PRPH2: variants seen among roughly 807,000 people sequenced by gnomAD.
The protein encoded by PRPH2 is peripherin-2.
In PRPH2, 17 loss-of-function variants were observed where a neutral mutation model predicts 31.3. The ratio of observed to expected loss-of-function variants is 0.54; its 90% CI spans 0.37 to 0.81. PRPH2 has a LOEUF of 0.81. Ranked by LOEUF, PRPH2 falls within the 40% of genes least tolerant of loss-of-function variation. The pLI is 0.00. For missense variants in PRPH2, 430 were observed against 439.7 expected, an observed-to-expected ratio of 0.98 and a Z score of 0.20; for synonymous variants, 165 against 184.4, an observed-to-expected ratio of 0.89 and a Z score of 0.85.
intron 2 of PRPH2, among the ~76,000 whole-genome samples, chr6:42,699,047 CTT>C (rs759173553): frequency 1.3e-4 from 5 of 38,528 alleles, no homozygotes; most frequent in African/African-American, 3.2e-4. Flanking sequence ...TGTGGTACTT[CTT>C]TTTTTTTTTT....
intron 1 of PRPH2, among the ~76,000 whole-genome samples, chr6:42,708,503 C>T (rs543549612): frequency 7.9e-4 from 120 of 152,350 alleles, no homozygotes; most frequent in African/African-American, 2.7e-3. Context: ...CCGCTCCCCT[C>T]TACTGGCCCT....
chr6:42,722,260 C>G lies in PRPH2; in HGVS notation c.75G>C (p.Trp25Cys), dbSNP rs146686238. The change falls in exon 1 of 3, where the codon TGG (tryptophan) becomes TGC (cysteine). Residue 25 changes from tryptophan (W) to cysteine (C), a missense_variant. Coordinates refer to ENST00000230381, the MANE Select transcript of PRPH2 (RefSeq NM_000322.5). This position sits in a 1 kb window ranked among gnomAD's most constrained non-coding sequence, Gnocchi z 4.4. ...KLAQGLWLMN[W>C]FSVLAGIIIF... ...TGATGATGCCAGCCAACACGGAGAA[C>G]CAGTTCATGAGCCAGAGCCCTTGGG... The G allele has an allele frequency of 3.9e-5, 63 of 1,614,158 alleles. No individual in the cohort carries two copies. The African/African-American group carries it at 7.6e-4, about 19-fold the overall frequency.
At chr6:42,704,247 A>T in intron 2 of PRPH2, 118 bp downstream of exon 2, 1 of 1,376,068 alleles carries the variant, frequency 7.3e-7, no homozygotes, top group Non-Finnish European at 1.0e-6. Flanking sequence ...CCACAGCTCC[A>T]CTGAAGGCTG....
intron 1 of PRPH2, among the ~76,000 whole-genome samples, chr6:42,706,569 A>G (rs1418427898): frequency 1.0e-4 from 15 of 149,470 alleles, no homozygotes; most frequent in Non-Finnish European, 3.0e-5. Context: ...CACGCCAGTG[A>G]GACTCTGTCT....
intron 2 of PRPH2, 21 bp downstream of exon 2, chr6:42,704,344 C>A (rs759771485): frequency 1.2e-6 from 2 of 1,603,084 alleles, no homozygotes; most frequent in South Asian, 2.2e-5. Flanking sequence ...ACCCTCTACC[C>A]CCAGCTGGCC....
chr6:42,698,432 C>T lies in PRPH2; in HGVS notation c.904G>A (p.Glu302Lys), dbSNP rs61748430. Reference sequence around the variant, plus strand: ...CTCTCCAGCAGCCAGCCCTGGCTCTCGCTCTCAGATTCCTCGGGGTTGGAC... The same window carrying T: ...CTCTCCAGCAGCCAGCCCTGGCTCTTGCTCTCAGATTCCTCGGGGTTGGAC... ...GVSNPEESES[E>K]SQGWLLERSV... Residue 302 changes from glutamate (E) to lysine (K), a missense_variant, in exon 3 of 3, where the codon GAG (glutamate) becomes AAG (lysine). By Grantham distance (56) the Glu-to-Lys change is moderately conservative. Coordinates refer to ENST00000230381, the MANE Select transcript of PRPH2 (RefSeq NM_000322.5). The T allele has an allele frequency of 6.2e-7, 1 of 1,614,050 alleles. No homozygotes were observed. Among genetic ancestry groups the T allele is most frequent in the Non-Finnish European group, 8.5e-7 (1 of 1,180,030 alleles).
intron 2 of PRPH2, among the ~76,000 whole-genome samples, chr6:42,700,554 A>G (rs1290389955): frequency 6.6e-6 from 1 of 152,176 alleles, no homozygotes; most frequent in African/African-American, 2.4e-5. Context: ...TTTTAGATTT[A>G]TGTTACTGCT....
Position 42,722,376 on chromosome 6 carries a change from C to T in PRPH2, c.-42G>A, listed in dbSNP as rs377728309. The T allele has an allele frequency of 3.1e-6, 5 of 1,609,818 alleles. No homozygotes were observed. The South Asian group carries it at 4.4e-5, about 14-fold the overall frequency. ...CCGGGTTGCTTCCCACAGCACAGCT[C>T]CCACCCCAAACCTTAACGAGCCCAG... On this transcript the variant is annotated 5_prime_UTR_variant, in exon 1 of 3. Transcript: ENST00000230381. This position sits in a 1 kb window ranked among gnomAD's most constrained non-coding sequence, Gnocchi z 4.4.
At chr6:42,716,515 C>T (rs1761783716) in intron 1 of PRPH2, among the ~76,000 whole-genome samples, 1 of 151,378 alleles carries the variant, frequency 6.6e-6, no homozygotes, top group Non-Finnish European at 1.5e-5. Flanking sequence ...CTCCCAGGCT[C>T]AACGGATTCT....
chr6:42,712,289 T>G (rs939382163), intron 1 of PRPH2, among the ~76,000 whole-genome samples: 30 of 152,308 alleles, frequency 2.0e-4, no homozygotes, highest in Admixed American at 1.1e-3. Context: ...GATCCTGAAT[T>G]GACCAACTGT....
chr6:42,701,161 G>A (rs183285293), intron 2 of PRPH2, among the ~76,000 whole-genome samples: 26 of 151,866 alleles, frequency 1.7e-4, no homozygotes, highest in Admixed American at 9.8e-4. Context: ...TTTTGTTTTT[G>A]TTGCTCAAGC....
intron 1 of PRPH2, among the ~76,000 whole-genome samples, chr6:42,709,118 C>T (rs1582769309): frequency 6.6e-6 from 1 of 152,000 alleles, no homozygotes; most frequent in Non-Finnish European, 1.5e-5. Flanking sequence ...ATCATGAGGT[C>T]AGGAGTTCGA....
At position 42,704,519 on chromosome 6, in the gene PRPH2, T is replaced by C. The variant is rs1201312863; in HGVS notation, c.674A>G (p.Tyr225Cys). The change falls in exon 2 of 3, where the codon TAT (tyrosine) becomes TGT (cysteine). Residue 225 changes from tyrosine (Y) to cysteine (C), a missense_variant. Coordinates refer to ENST00000230381, the MANE Select transcript of PRPH2 (RefSeq NM_000322.5). Reference sequence around the variant, plus strand: ...GTGTGCTGAGTTGTTGGTGATCTGATACTGGATGCAGGGCCGTGGCGAGCT... The same window carrying C: ...GTGTGCTGAGTTGTTGGTGATCTGACACTGGATGCAGGGCCGTGGCGAGCT... ...NPSSPRPCIQ[Y>C]QITNNSAHYS... The C allele has an allele frequency of 2.5e-6, 4 of 1,614,146 alleles. No homozygotes were observed. The South Asian group carries it at 4.4e-5, about 18-fold the overall frequency.
chr6:42,711,668 C>G, intron 1 of PRPH2: 1 of 805,732 alleles, frequency 1.2e-6, no homozygotes, highest in Middle Eastern at 6.3e-4. Flanking sequence ...TCAAAGAGTT[C>G]CCGTCTGAGA....
rs1800113960 is a variant in PRPH2 at position 42,704,516 on chromosome 6, T to C, written c.677A>G (p.Gln226Arg). 6.2e-7 allele frequency: 1 copy of C among 1,614,060 alleles called. No individual in the cohort carries two copies. Among genetic ancestry groups the C allele is most frequent in the African/African-American group, 1.3e-5 (1 of 74,916 alleles). The change falls in exon 2 of 3, where the codon CAG becomes CGG. Residue 226 changes from glutamine (Q) to arginine (R), a missense_variant. By Grantham distance (43) the Gln-to-Arg change is conservative (BLOSUM62 1). Transcript: ENST00000230381. ...GTAGTGTGCTGAGTTGTTGGTGATC[T>C]GATACTGGATGCAGGGCCGTGGCGA... ...PSSPRPCIQYQITNNSAHYSY... is the reference protein window; with the variant it reads ...PSSPRPCIQYRITNNSAHYSY...
chr6:42,722,230 G>A lies in PRPH2; in HGVS notation c.105C>T (p.Phe35=). The change falls in exon 1 of 3, where the codon TTC becomes TTT. Residue 35 remains phenylalanine (F), a synonymous_variant. Transcript: ENST00000230381. This position sits in a 1 kb window ranked among gnomAD's most constrained non-coding sequence, Gnocchi z 4.4. The part of the protein sequence containing the change: ...WFSVLAGIII[F]SLGLFLKIEL... ...CAATCTTCAGGAACAGTCCTAGGCT[G>A]AAGATGATGATGCCAGCCAACACGG... 1 of 1,614,216 alleles carries A rather than the reference G, an allele frequency of 6.2e-7. No homozygotes were observed. Among genetic ancestry groups the A allele is most frequent in the Non-Finnish European group, 8.5e-7 (1 of 1,180,042 alleles).
At chr6:42,721,140 G>A (rs1342301152) in intron 1 of PRPH2, among the ~76,000 whole-genome samples, 1 of 152,082 alleles carries the variant, frequency 6.6e-6, no homozygotes, top group Non-Finnish European at 1.5e-5. Context: ...TTTAAAAGAT[G>A]GGCAAGCCAA....
At chr6:42,722,597 CAAG>C (rs2152011281), upstream of PRPH2, 1 of 1,373,990 alleles carries the variant, frequency 7.3e-7, no homozygotes, top group South Asian at 1.5e-5. This position sits in a 1 kb window ranked among gnomAD's most constrained non-coding sequence, Gnocchi z 4.4. Flanking sequence ...CCTTCCCAGC[CAAG>C]AAGGGGCAGC....
intron 1 of PRPH2, among the ~76,000 whole-genome samples, chr6:42,717,922 T>G (rs1267240018): frequency 6.6e-6 from 1 of 152,098 alleles, no homozygotes; most frequent in Non-Finnish European, 1.5e-5. Context: ...TCCCAGCACT[T>G]TGGGAGGTTG....
Sources: gnomAD v4.1 joint callset for allele counts (sites outside exome capture counted in the v4.1 genomes callset) on GRCh38, gnomAD v4.1.1 for gene constraint, Gnocchi (gnomAD v3.1) non-coding constraint, MANE v1.5 for transcripts, NCBI Gene and HGNC (gene_info 2026-07-23, HGNC 2026-07-21) for gene names.